APC: variants seen among roughly 807,000 people sequenced by gnomAD.
The protein encoded by APC is adenomatous polyposis coli protein.
Under a neutral mutation model 247.0 loss-of-function variants are expected in APC, and 72 were observed. That is an observed-to-expected ratio of 0.29 (90% CI 0.24 to 0.35). The LOEUF is 0.35. Among genes scored for constraint, APC ranks in the 10% least tolerant of loss-of-function variants. The pLI is 1.00. For missense variants in APC, 3,400 were observed against 3,360.7 expected, an observed-to-expected ratio of 1.01 and a Z score of -0.29; for synonymous variants, 1,254 against 1,162.5, an observed-to-expected ratio of 1.08 and a Z score of -1.60.
intron 2 of APC, 125 bp from the exon 3 acceptor site, chr5:112,766,201 A>G: frequency 3.0e-6 from 2 of 664,964 alleles, no homozygotes. Context: ...GGTAATATAT[A>G]TAAGGTGCGT....
intron 13 of APC, among the ~76,000 whole-genome samples, chr5:112,828,593 G>T (rs567210484): frequency 2.0e-5 from 3 of 151,784 alleles, no homozygotes; most frequent in African/African-American, 7.3e-5. Flanking sequence ...TACTGCAGGC[G>T]CATGCCACCA....
At chr5:112,744,774 A>C (rs531393554) in intron 1 of APC, among the ~76,000 whole-genome samples, 28 of 152,214 alleles carry the variant, frequency 1.8e-4, no homozygotes, top group Non-Finnish European at 3.5e-4. Flanking sequence ...ACTTAATAGG[A>C]AATAAGTTTT....
rs876659753 is a variant in APC, at chr5:112,843,314, C to A, written c.7720C>A (p.Leu2574Ile). Residue 2574 changes from leucine to isoleucine, a missense_variant, in exon 16 of 16, where the codon CTT becomes ATT. Physicochemically the swap from Leu to Ile is conservative, Grantham distance 5. Coordinates refer to ENST00000257430, the MANE Select transcript of APC (RefSeq NM_000038.6). This position sits in a 1 kb window ranked among gnomAD's most constrained non-coding sequence, Gnocchi z 4.8. ...WRRTGSSSSI[L>I]SASSESSEKA... ...AAGAACTGGAAGTTCATCTTCAATT[C>A]TTTCTGCTTCATCAGAATCCAGTGA... is the stretch of plus-strand genomic sequence containing the variant. 9 of 1,613,626 alleles carry A rather than the reference C, an allele frequency of 5.6e-6. No homozygotes were observed. The highest frequency in any genetic ancestry group is 1.1e-5 in the South Asian group (1 of 91,062).
chr5:112,840,023 C>G lies in APC; in HGVS notation c.4429C>G (p.Gln1477Glu), dbSNP rs2149914507. Reference protein sequence around the residue: ...PKQAAVNAAVQRVQVLPDADT... With the variant: ...PKQAAVNAAVERVQVLPDADT... ...GCAAGCTGCAGTAAATGCTGCAGTTCAGAGGGTCCAGGTTCTTCCAGATGC... is the reference window on the plus strand; with the variant it reads ...GCAAGCTGCAGTAAATGCTGCAGTTGAGAGGGTCCAGGTTCTTCCAGATGC... Residue 1477 changes from glutamine (Q) to glutamate (E), a missense_variant, in exon 16 of 16, where the codon CAG becomes GAG. Gln to Glu is a conservative substitution (Grantham distance 29, BLOSUM62 2). Transcript: ENST00000257430. The surrounding 1 kb of genome is among the most constrained non-coding windows in gnomAD (Gnocchi z 4.1). The G allele has an allele frequency of 6.2e-7, 1 of 1,614,112 alleles. No individual in the cohort carries two copies. The highest frequency in any genetic ancestry group is 8.5e-7 in the Non-Finnish European group (1 of 1,180,012).
chr5:112,772,557 C>A (rs184418711), intron 4 of APC, among the ~76,000 whole-genome samples: 1 of 151,120 alleles, frequency 6.6e-6, no homozygotes, highest in East Asian at 1.9e-4. Context: ...CACTCTGTCA[C>A]CTAGGCTGGA....
rs1580682885 is a variant in APC at position 112,843,055 on chromosome 5, C to G, written c.7461C>G (p.Ser2487=). 1.2e-6 allele frequency: 2 copies of G among 1,613,904 alleles called. No homozygotes were observed. Among genetic ancestry groups the G allele is most frequent in the Non-Finnish European group, 8.5e-7 (1 of 1,179,810 alleles). Residue 2487 remains serine (S), a synonymous_variant, in exon 16 of 16, where the codon TCC becomes TCG. Coordinates refer to ENST00000257430, the MANE Select transcript of APC (RefSeq NM_000038.6). The surrounding 1 kb of genome is among the most constrained non-coding windows in gnomAD (Gnocchi z 4.8). ...CACAAACTCCAGTTTTAAGTCCTTC[C>G]CTTCCTGATATGTCTCTATCCACAC... ...SQAQTPVLSP[S]LPDMSLSTHS...
At chr5:112,781,295 A>T (rs1039173088) in intron 6 of APC, among the ~76,000 whole-genome samples, 3 of 152,232 alleles carry the variant, frequency 2.0e-5, no homozygotes, top group African/African-American at 4.8e-5. Context: ...TCATTCAAGG[A>T]TAATAGGAAG....
At chr5:112,742,754 A>G (rs1216512658) in intron 1 of APC, among the ~76,000 whole-genome samples, 3 of 152,148 alleles carry the variant, frequency 2.0e-5, no homozygotes, top group African/African-American at 4.8e-5. Context: ...TATTCTCTTT[A>G]TTAGATATGA....
intron 1 of APC, among the ~76,000 whole-genome samples, chr5:112,724,965 GC>G (rs576502033): frequency 9.5e-4 from 144 of 152,138 alleles, no homozygotes; most frequent in South Asian, 1.7e-3. Flanking sequence ...CTAACAGCTG[GC>G]AATTAACAGA....
chr5:112,740,845 T>C (rs1000884227), intron 1 of APC, among the ~76,000 whole-genome samples: 1 of 152,188 alleles, frequency 6.6e-6, no homozygotes, highest in Non-Finnish European at 1.5e-5. Context: ...CATTAATTGC[T>C]CTGTAGATTT....
chr5:112,789,520 A>G (rs1303590562), intron 6 of APC, among the ~76,000 whole-genome samples: 29 of 152,200 alleles, frequency 1.9e-4, no homozygotes, highest in Admixed American at 1.7e-3. Context: ...TACTGGCAAT[A>G]TGGAAATGTA....
In APC at chr5:112,792,459, G is replaced by A; in HGVS notation, c.659G>A (p.Arg220Lys). Residue 220 changes from arginine to lysine, a missense_variant, in exon 7 of 16, where the codon AGA becomes AAA. Physicochemically the swap from Arg to Lys is conservative, Grantham distance 26. This residue lies in a region of APC where 372 missense variants were observed against 367.6 expected (regional missense o/e 1.01). Coordinates refer to ENST00000257430, the MANE Select transcript of APC (RefSeq NM_000038.6). ...MEKRAQRRIA[R>K]IQQIEKDILR... ...GTTTTATTTTAGCGAAGAATAGCCA[G>A]AATTCAGCAAATCGAAAAGGACATA... The A allele has an allele frequency of 6.2e-7, 1 of 1,610,322 alleles. No homozygotes were observed. The highest frequency in any genetic ancestry group is 8.5e-7 in the Non-Finnish European group (1 of 1,177,882).
intron 1 of APC, among the ~76,000 whole-genome samples, chr5:112,752,992 G>C (rs1256830307): frequency 2.0e-5 from 3 of 152,062 alleles, no homozygotes; most frequent in Non-Finnish European, 4.4e-5. Flanking sequence ...GTTGTGTAAG[G>C]TTATAACTTC....
At chr5:112,811,331 A>G (rs1761962753) in intron 8 of APC, among the ~76,000 whole-genome samples, 1 of 152,170 alleles carries the variant, frequency 6.6e-6, no homozygotes, top group African/African-American at 2.4e-5. Flanking sequence ...ATCACACTCA[A>G]GTTTATTCAG....
Position 112,842,663 on chromosome 5 carries a change from A to G in APC, c.7069A>G (p.Lys2357Glu), listed in dbSNP as rs1554087972. 6.2e-7 allele frequency: 1 copy of G among 1,613,694 alleles called. No individual in the cohort carries two copies. Among genetic ancestry groups the G allele is most frequent in the Non-Finnish European group, 8.5e-7 (1 of 1,179,674 alleles). ...RTSSPSTAST[K>E]SSGSGKMSYT... ...ATCATCCCCTAGTACTGCTTCAACT[A>G]AGTCCTCAGGTTCTGGAAAAATGTC... Residue 2357 changes from lysine (K) to glutamate (E), a missense_variant, in exon 16 of 16, where the codon AAG becomes GAG. Physicochemically the swap from Lys to Glu is moderately conservative, Grantham distance 56. This residue lies in a region of APC where 1,788 missense variants were observed against 1,649.5 expected (regional missense o/e 1.08). Transcript: ENST00000257430.
At chr5:112,716,403 T>C (rs1214293401) in intron 1 of APC, among the ~76,000 whole-genome samples, 1 of 152,214 alleles carries the variant, frequency 6.6e-6, no homozygotes, top group East Asian at 1.9e-4. Flanking sequence ...TTATTTTGTT[T>C]TTAATTTGTA....
chr5:112,738,282 TG>T, intron 1 of APC: 1 of 985,408 alleles, frequency 1.0e-6, no homozygotes, highest in African/African-American at 1.7e-5. Context: ...CAACAAAGAA[TG>T]GAGCATATTC....
intron 7 of APC, 84 bp from the exon 8 acceptor site, chr5:112,801,195 T>C (rs1469376699): frequency 3.7e-5 from 40 of 1,077,832 alleles, no homozygotes; most frequent in Non-Finnish European, 5.0e-5. Flanking sequence ...ATTCAGAGCT[T>C]TAAAGCAAAA....
chr5:112,781,763 ATT>A (rs571711088), intron 6 of APC, among the ~76,000 whole-genome samples: 16 of 143,400 alleles, frequency 1.1e-4, no homozygotes, highest in African/African-American at 4.1e-4. Context: ...AAACATAATG[ATT>A]TTTTTTTTTT....
Sources: allele counts gnomAD v4.1 joint callset (sites outside exome capture counted in the v4.1 genomes callset), GRCh38; gene constraint gnomAD v4.1.1; regional missense constraint gnomAD v4.1.1; non-coding constraint Gnocchi (gnomAD v3.1); transcripts MANE v1.5; gene names NCBI Gene and HGNC (gene_info 2026-07-23, HGNC 2026-07-21).